HHIP: variants seen among roughly 807,000 people sequenced by gnomAD.
HHIP encodes hedgehog-interacting protein.
In HHIP, 12 loss-of-function variants were observed where a neutral mutation model predicts 74.0. The ratio of observed to expected loss-of-function variants is 0.16; its 90% CI spans 0.10 to 0.26. The LOEUF (loss-of-function observed/expected upper bound fraction) is 0.26, where lower values mean the gene tolerates loss of function less well. Among genes scored for constraint, HHIP ranks in the 10% least tolerant of loss-of-function variants. The probability of loss-of-function intolerance (pLI) is 1.00; values close to 1 mark genes in which losing one functional copy is unlikely to be tolerated. For synonymous variants in HHIP, 309 were observed against 311.6 expected, an observed-to-expected ratio of 0.99 and a Z score of 0.09; for missense variants, 788 against 845.0, an observed-to-expected ratio of 0.93 and a Z score of 0.84.
In HHIP at chr4:144,742,899, CTTTTTATATATATCTTATATATATATCT is replaced by C. The variant is rs1731292626; in HGVS notation, c.*4945_*4972del. ...TTTTATATATATCTTATATATATAT[CTTTTTATATATATCTTATATATATATCT>C]TTATATATATCTTATATATATATCT... On this transcript the variant is annotated 3_prime_UTR_variant, in exon 13 of 13. Transcript: ENST00000296575. 2.2e-4 allele frequency: 1 copy of C among 4,468 alleles called. No individual in the cohort carries two copies. The highest frequency in any genetic ancestry group is 2.6e-4 in the African/African-American group (1 of 3,886). 0.3% of individuals were successfully genotyped at this position (4,468 alleles called of 1,614,324 possible).
chr4:144,669,800 G>C (rs1728980803), intron 4 of HHIP, among the ~76,000 whole-genome samples: 1 of 127,212 alleles, frequency 7.9e-6, no homozygotes, highest in African/African-American at 2.5e-5. Flanking sequence ...AATTCTTGTG[G>C]TAAGAGTTTT....
intron 11 of HHIP, among the ~76,000 whole-genome samples, chr4:144,726,118 T>C (rs1730798404): frequency 6.6e-6 from 1 of 152,210 alleles, no homozygotes; most frequent in Non-Finnish European, 1.5e-5. Context: ...TTATGGTTTA[T>C]GAATTAAGTA....
chr4:144,663,190 G>C (rs950217455), intron 4 of HHIP, among the ~76,000 whole-genome samples: 1 of 152,150 alleles, frequency 6.6e-6, no homozygotes, highest in Admixed American at 6.5e-5. Flanking sequence ...TCAGAAGGCT[G>C]AGGCAAGAGA....
chr4:144,715,329 T>C lies in HHIP; in HGVS notation c.1577T>C (p.Val526Ala), dbSNP rs200051968. Residue 526 changes from valine (V) to alanine (A), a missense_variant, in exon 10 of 13, where the codon GTG becomes GCG. Coordinates refer to ENST00000296575, the MANE Select transcript of HHIP (RefSeq NM_022475.3). The part of the protein sequence containing the change: ...GNFLTLQQSP[V>A]TKQWQEKPLC... ...TTCCTAACTCTCCAGCAAAGTCCTG[T>C]GACAAAGCAGTGGCAAGAAAAACCA... 1.9e-5 allele frequency: 30 copies of C among 1,613,364 alleles called. No individual in the cohort carries two copies. Among genetic ancestry groups the C allele is most frequent in the Admixed American group, 3.3e-5 (2 of 59,964 alleles).
chr4:144,692,191 A>G (rs1029570303), intron 4 of HHIP, among the ~76,000 whole-genome samples: 2 of 152,076 alleles, frequency 1.3e-5, no homozygotes, highest in Non-Finnish European at 2.9e-5. Context: ...ATGCCTTTAC[A>G]ATAAAAAAAA....
chr4:144,731,942 G>A (rs1290783499), intron 11 of HHIP, among the ~76,000 whole-genome samples: 1 of 152,104 alleles, frequency 6.6e-6, no homozygotes, highest in Non-Finnish European at 1.5e-5. Flanking sequence ...ATGCATGTTT[G>A]TCTTATCCTC....
intron 4 of HHIP, among the ~76,000 whole-genome samples, chr4:144,674,244 C>T (rs1384457154): frequency 6.6e-6 from 1 of 152,226 alleles, no homozygotes; most frequent in African/African-American, 2.4e-5. Context: ...ATCCCACACA[C>T]AGTGTCAAAT....
intron 4 of HHIP, among the ~76,000 whole-genome samples, chr4:144,669,105 T>C (rs1207426369): frequency 2.6e-5 from 4 of 152,026 alleles, no homozygotes; most frequent in Admixed American, 1.3e-4. Context: ...ATAGTAGTCA[T>C]CAATTGATAT....
At chr4:144,726,695 CA>C (rs1730816532) in intron 11 of HHIP, among the ~76,000 whole-genome samples, 1 of 152,078 alleles carries the variant, frequency 6.6e-6, no homozygotes, top group African/African-American at 2.4e-5. Context: ...GCTTTTCAAG[CA>C]AGAGGTAACG....
chr4:144,729,019 G>T (rs1476069695), intron 11 of HHIP, among the ~76,000 whole-genome samples: 1 of 152,142 alleles, frequency 6.6e-6, no homozygotes, highest in Non-Finnish European at 1.5e-5. Context: ...GAAAAATTCA[G>T]TGAGCAGCCA....
At chr4:144,667,199 C>T (rs961605243) in intron 4 of HHIP, among the ~76,000 whole-genome samples, 4 of 151,994 alleles carry the variant, frequency 2.6e-5, no homozygotes, top group African/African-American at 9.7e-5. Context: ...AAAATTTAAA[C>T]ATTAGCCAGG....
Position 144,709,871 on chromosome 4 carries a change from C to T in HHIP, c.1301+1560C>T, listed in dbSNP as rs139173241. Among the ~76,000 whole-genome samples, 346 of 152,268 alleles carry T rather than the reference C, an allele frequency of 2.3e-3. 1 individual carries two copies. Among genetic ancestry groups the T allele is most frequent in the Middle Eastern group, 6.8e-3 (2 of 294 alleles). ...GTACCTCCACACATGCATAGTCTCTCGCATTATGATCATCCCCCATAGAGA... is the reference window on the plus strand; with the variant it reads ...GTACCTCCACACATGCATAGTCTCTTGCATTATGATCATCCCCCATAGAGA... On this transcript the variant is annotated intron_variant, in intron 7 of 12. Transcript: ENST00000296575.
chr4:144,697,576 C>A (rs1466201942), intron 4 of HHIP, among the ~76,000 whole-genome samples: 2 of 151,992 alleles, frequency 1.3e-5, no homozygotes, highest in African/African-American at 4.8e-5. Context: ...ATAAAAGGTA[C>A]AAGTCAATCC....
chr4:144,665,107 C>G (rs1256900157), intron 4 of HHIP, among the ~76,000 whole-genome samples: 1 of 152,182 alleles, frequency 6.6e-6, no homozygotes, highest in Non-Finnish European at 1.5e-5. Flanking sequence ...GAGTCTTGCT[C>G]TGTTGCCCAG....
intron 4 of HHIP, among the ~76,000 whole-genome samples, chr4:144,702,570 C>T (rs1730015114): frequency 6.6e-6 from 1 of 152,130 alleles, no homozygotes; most frequent in Non-Finnish European, 1.5e-5. Context: ...TGCTTGCTGT[C>T]CAGTAGGGCT....
intron 4 of HHIP, among the ~76,000 whole-genome samples, chr4:144,678,415 A>C (rs1434084677): frequency 6.6e-6 from 1 of 152,124 alleles, no homozygotes; most frequent in Non-Finnish European, 1.5e-5. Context: ...ATTACACTTT[A>C]AGTTCTGGGA....
At chr4:144,727,956 A>G (rs566108638) in intron 11 of HHIP, among the ~76,000 whole-genome samples, 1 of 152,196 alleles carries the variant, frequency 6.6e-6, no homozygotes, top group Non-Finnish European at 1.5e-5. Context: ...AAAGCCACTT[A>G]ATCTCTTCAT....
intron 12 of HHIP, 151 bp from the exon 13 acceptor site, chr4:144,737,613 T>G: frequency 1.7e-6 from 1 of 582,488 alleles, no homozygotes; most frequent in Non-Finnish European, 2.8e-6. Context: ...GTTTCCTACT[T>G]GCATATTTAT....
chr4:144,716,983 T>C (rs1371915301), intron 10 of HHIP, among the ~76,000 whole-genome samples: 5 of 150,112 alleles, frequency 3.3e-5, no homozygotes, highest in African/African-American at 1.2e-4. Context: ...AAATGATTCA[T>C]CATCACTCAT....
Sources: allele counts gnomAD v4.1 joint callset (sites outside exome capture counted in the v4.1 genomes callset), GRCh38; gene constraint gnomAD v4.1.1; transcripts MANE v1.5; gene names NCBI Gene and HGNC (gene_info 2026-07-23, HGNC 2026-07-21).